GPC4: variants seen among roughly 807,000 people sequenced by gnomAD.
The protein encoded by GPC4 is glypican 4.
In GPC4, 10 loss-of-function variants were observed where a neutral mutation model predicts 35.0. The observed-to-expected ratio is 0.29, with a 90% confidence interval of 0.18 to 0.48. The LOEUF (loss-of-function observed/expected upper bound fraction) is 0.48. Among genes scored for constraint, GPC4 ranks in the 20% least tolerant of loss-of-function variants. The pLI, the probability that GPC4 is intolerant of heterozygous loss-of-function variation, is 0.99. For synonymous variants in GPC4, 167 were observed against 170.2 expected (o/e 0.98, Z 0.15); for missense variants, 322 against 451.3 (o/e 0.71, Z 2.60).
At chrX:133,413,513 AATTACAGT>A (rs2068821734) in intron 1 of GPC4, among the ~76,000 whole-genome samples, 1 of 112,086 alleles carries the variant, frequency 8.9e-6, no homozygotes. Flanking sequence ...GCCTGGTTGA[AATTACAGT>A]ATTTCCTTTG....
intron 1 of GPC4, among the ~76,000 whole-genome samples, chrX:133,369,131 C>G (rs1360935504): frequency 2.7e-5 from 3 of 111,234 alleles, no homozygotes; most frequent in Non-Finnish European, 5.7e-5. Context: ...CTCTTTTAAT[C>G]CCCCCAGAGC....
At chrX:133,338,244 A>G (rs943571117) in intron 2 of GPC4, among the ~76,000 whole-genome samples, 1 of 111,767 alleles carries the variant, frequency 8.9e-6, no homozygotes. Context: ...AAGACATTTC[A>G]TATCTAGAAA....
chrX:133,343,563 C>T (rs981640758), intron 1 of GPC4, among the ~76,000 whole-genome samples: 2 of 111,841 alleles, frequency 1.8e-5, no homozygotes, highest in African/African-American at 6.5e-5. Context: ...AATTAAGTTG[C>T]TTTTTGTACA....
At chrX:133,400,150 T>C (rs2068762155) in intron 1 of GPC4, among the ~76,000 whole-genome samples, 1 of 112,144 alleles carries the variant, frequency 8.9e-6, no homozygotes, top group Non-Finnish European at 1.9e-5. Flanking sequence ...GTTCACAATA[T>C]GCAACCAGAG....
intron 1 of GPC4, among the ~76,000 whole-genome samples, chrX:133,389,682 T>C (rs759333636): frequency 3.6e-5 from 4 of 110,586 alleles, no homozygotes; most frequent in African/African-American, 1.3e-4. Flanking sequence ...GGACATCAAA[T>C]TGGGAAAGGT....
At chrX:133,343,322 T>C (rs1235528755) in intron 1 of GPC4, among the ~76,000 whole-genome samples, 1 of 111,909 alleles carries the variant, frequency 8.9e-6, no homozygotes, top group African/African-American at 3.3e-5. Flanking sequence ...GCTCTTGACA[T>C]ACAGTTTCTT....
At chrX:133,348,506 T>C (rs966922134) in intron 1 of GPC4, among the ~76,000 whole-genome samples, 3 of 112,784 alleles carry the variant, frequency 2.7e-5, no homozygotes, top group African/African-American at 6.4e-5. Context: ...CCTTGCGGGA[T>C]AGCAAGGAGC....
intron 3 of GPC4, among the ~76,000 whole-genome samples, chrX:133,315,257 C>T (rs2068332538): frequency 9.1e-6 from 1 of 110,257 alleles, no homozygotes; most frequent in African/African-American, 3.3e-5. Context: ...TAGAGCATTT[C>T]GGATCTTAAA....
At chrX:133,313,714 A>G (rs979788407) in intron 3 of GPC4, among the ~76,000 whole-genome samples, 4 of 112,130 alleles carry the variant, frequency 3.6e-5, no homozygotes, top group Non-Finnish European at 7.5e-5. Flanking sequence ...AGCCAAAGCC[A>G]AAGAGATTAA....
intron 3 of GPC4, among the ~76,000 whole-genome samples, chrX:133,313,196 G>A (rs1048694619): frequency 2.7e-5 from 3 of 111,783 alleles, no homozygotes; most frequent in African/African-American, 9.8e-5. Flanking sequence ...AGTGCCCTTA[G>A]GAACAGGAAC....
At chrX:133,327,687 T>TGTGTGTGTGTG (rs2068400830) in intron 2 of GPC4, among the ~76,000 whole-genome samples, 1 of 90,421 alleles carries the variant, frequency 1.1e-5, no homozygotes, top group African/African-American at 4.8e-5. Flanking sequence ...GTGTGTGTGT[T>TGTGTGTGTGTG]TATGCTAGCG....
At chrX:133,355,765 C>T (rs967663566) in intron 1 of GPC4, among the ~76,000 whole-genome samples, 16 of 111,187 alleles carry the variant, frequency 1.4e-4, no homozygotes, top group African/African-American at 5.2e-4. Flanking sequence ...TCATGAATGG[C>T]TTAGCACCAT....
chrX:133,382,381 GTGC>G (rs2068664925), intron 1 of GPC4, among the ~76,000 whole-genome samples: 1 of 90,769 alleles, frequency 1.1e-5, no homozygotes, highest in Non-Finnish European at 2.1e-5. Flanking sequence ...AGCTAAGATC[GTGC>G]CACTGCACTC....
At chrX:133,329,567 G>A (rs2068409780) in intron 2 of GPC4, among the ~76,000 whole-genome samples, 1 of 111,332 alleles carries the variant, frequency 9.0e-6, no homozygotes, top group Non-Finnish European at 1.9e-5. Flanking sequence ...TGACTGCTGG[G>A]TGAAAAATAG....
intron 4 of GPC4, among the ~76,000 whole-genome samples, chrX:133,310,727 T>C (rs191633066): frequency 5.4e-5 from 6 of 112,034 alleles, no homozygotes; most frequent in South Asian, 3.7e-4. Context: ...GTAATAGATA[T>C]AACATTTTAA....
At chrX:133,303,410 A>G in intron 7 of GPC4, 69 bp from the exon 8 acceptor site, 1 of 935,511 alleles carries the variant, frequency 1.1e-6, no homozygotes, top group South Asian at 2.3e-5. Flanking sequence ...TGCCTCCCAA[A>G]GTGCTGGGAT....
chrX:133,341,191 T>C (rs2068465381), intron 1 of GPC4, among the ~76,000 whole-genome samples: 1 of 111,701 alleles, frequency 9.0e-6, no homozygotes, highest in Non-Finnish European at 1.9e-5. Flanking sequence ...GACACATAAT[T>C]AACACAGAAA....
intron 1 of GPC4, among the ~76,000 whole-genome samples, chrX:133,401,889 C>T (rs1019154436): frequency 1.8e-5 from 2 of 112,303 alleles, no homozygotes; most frequent in Admixed American, 1.9e-4. Flanking sequence ...CTTACCATAG[C>T]CTCCAACATC....
chrX:133,331,981 G>T (rs998984656), intron 2 of GPC4, among the ~76,000 whole-genome samples: 5 of 110,826 alleles, frequency 4.5e-5, no homozygotes, highest in African/African-American at 1.6e-4. Flanking sequence ...ATACCTTCAT[G>T]CTTTCAAAAG....
Sources: allele counts gnomAD v4.1 joint callset (sites outside exome capture counted in the v4.1 genomes callset), GRCh38; gene constraint gnomAD v4.1.1; transcripts MANE v1.5; gene names NCBI Gene and HGNC (gene_info 2026-07-23, HGNC 2026-07-21).